NACC2: variants seen among roughly 807,000 people sequenced by gnomAD.
The protein encoded by NACC2 is NACC family member 2.
A neutral mutation model predicts 25.1 loss-of-function variants in NACC2; 8 were observed. The ratio of observed to expected loss-of-function variants is 0.32; its 90% CI spans 0.19 to 0.57. NACC2 has a LOEUF of 0.57. Among genes scored for constraint, NACC2 ranks in the 20% least tolerant of loss-of-function variants. NACC2 has a pLI of 0.89. For synonymous variants in NACC2, 435 were observed against 294.7 expected, an observed-to-expected ratio of 1.48 and a Z score of -4.88; for missense variants, 644 against 650.2, an observed-to-expected ratio of 0.99 and a Z score of 0.10.
chr9:136,024,160 GTGT>G (rs1277501925), intron 2 of NACC2, among the ~76,000 whole-genome samples: 1 of 40,170 alleles, frequency 2.5e-5, no homozygotes, highest in Non-Finnish European at 4.4e-5. Flanking sequence ...GACAGAGTGT[GTGT>G]GTGTGTGTGT....
intron 2 of NACC2, among the ~76,000 whole-genome samples, chr9:136,045,628 G>A (rs1840711550): frequency 6.6e-6 from 1 of 152,190 alleles, no homozygotes; most frequent in African/African-American, 2.4e-5. Context: ...AGAAGCCCCA[G>A]CATGGCACTA....
At position 136,020,935 on chromosome 9, in the gene NACC2, C is replaced by A. The variant is rs1391926470; in HGVS notation, c.887-4506G>T. On this transcript the variant is annotated intron_variant, in intron 2 of 5. Transcript: ENST00000277554. The surrounding 1 kb of genome is among the most constrained non-coding windows in gnomAD (Gnocchi z 4.7). ...AAAACCACCCTCCGTCTCAGCCTCGCACCCTACACAAAAACTGCAGAAGGT... is the reference window on the plus strand; with the variant it reads ...AAAACCACCCTCCGTCTCAGCCTCGAACCCTACACAAAAACTGCAGAAGGT... Among the ~76,000 whole-genome samples, 1 of 152,176 alleles carries A rather than the reference C, an allele frequency of 6.6e-6. No individual in the cohort carries two copies. Among genetic ancestry groups the A allele is most frequent in the Non-Finnish European group, 1.5e-5 (1 of 68,040 alleles).
chr9:136,067,289 G>T (rs1315780076), intron 1 of NACC2, among the ~76,000 whole-genome samples: 1 of 139,428 alleles, frequency 7.2e-6, no homozygotes. Context: ...AAAAAAAATT[G>T]TTGTTGCCTA....
At chr9:136,087,810 T>C (rs1156554567) in intron 1 of NACC2, among the ~76,000 whole-genome samples, 2 of 152,060 alleles carry the variant, frequency 1.3e-5, no homozygotes, top group Non-Finnish European at 2.9e-5. Flanking sequence ...ACCGGCAAGA[T>C]CCCCAACGAG....
At chr9:136,075,011 A>C (rs904176202) in intron 1 of NACC2, among the ~76,000 whole-genome samples, 1 of 152,046 alleles carries the variant, frequency 6.6e-6, no homozygotes, top group Non-Finnish European at 1.5e-5. Context: ...TCGGATCCTC[A>C]CGAAACAGTG....
intron 1 of NACC2, among the ~76,000 whole-genome samples, chr9:136,079,582 G>C (rs1830299958): frequency 6.6e-6 from 1 of 152,158 alleles, no homozygotes; most frequent in Admixed American, 6.5e-5. Flanking sequence ...CTCACTGAGT[G>C]GAAAGGCCAC....
At position 136,006,918 on chromosome 9, in the gene NACC2, T is replaced by C. The variant is rs1588551825; in HGVS notation, c.*4598A>G. The C allele has an allele frequency of 6.5e-6, 1 of 152,708 alleles. No individual in the cohort carries two copies. Among genetic ancestry groups the C allele is most frequent in the East Asian group, 1.9e-4 (1 of 5,186 alleles). 9.5% of individuals were successfully genotyped at this position (152,708 alleles called of 1,614,324 possible). A position where few individuals can be genotyped will look rare whatever the true frequency, so the allele number is the denominator to read the frequency against. ...CACAGGAAAATTTATTTTTTAACAG[T>C]CGTGAGTTACAGTACTTTAACCCCT... On this transcript the variant is annotated 3_prime_UTR_variant, in exon 6 of 6. Transcript: ENST00000277554.
In NACC2 at chr9:136,050,015, C is replaced by T; in HGVS notation, c.507G>A (p.Leu169=). ...TGGCTTCATGCTTTACTCGGGTCAG[C>T]AGCGGGATGGGCACCGAGGGGGACA... ...YVVSPSVPIP[L]LTRVKHEAME... The change falls in exon 2 of 6, where the codon CTG becomes CTA. Residue 169 remains leucine (L), a synonymous_variant. Transcript: ENST00000277554. The T allele has an allele frequency of 1.4e-6, 1 of 692,312 alleles. No individual in the cohort carries two copies. The allele number at this position is 692,312 out of a possible 1,614,324, so 42.9% of individuals were successfully genotyped here.
At chr9:136,045,519 G>A (rs1482145568) in intron 2 of NACC2, among the ~76,000 whole-genome samples, 1 of 152,226 alleles carries the variant, frequency 6.6e-6, no homozygotes, top group African/African-American at 2.4e-5. Flanking sequence ...CGAAGCCACT[G>A]CTGAGGGCAT....
intron 2 of NACC2, among the ~76,000 whole-genome samples, chr9:136,027,512 G>T (rs1167205467): frequency 6.6e-6 from 1 of 152,172 alleles, no homozygotes; most frequent in Admixed American, 6.5e-5. Flanking sequence ...AAACTAGGCT[G>T]AGTGCATTCT....
intron 1 of NACC2, among the ~76,000 whole-genome samples, chr9:136,075,569 T>G (rs933642950): frequency 6.6e-6 from 1 of 152,248 alleles, no homozygotes; most frequent in Non-Finnish European, 1.5e-5. Context: ...AGGACGCATC[T>G]TCTTTTATCG....
chr9:136,046,059 C>A lies in NACC2; in HGVS notation c.886+3577G>T, dbSNP rs1450902021. Among the ~76,000 whole-genome samples the A allele has an allele frequency of 2.0e-5, 3 of 152,292 alleles. No individual in the cohort carries two copies. In the East Asian group the frequency reaches 5.8e-4, roughly 29 times the overall value. ...GAAGGCGGGTACGCGAGGAAGAGGG[C>A]CCGAAGAGGAAAGGGGCTCCCGCTC... On this transcript the variant is annotated intron_variant, in intron 2 of 5. Transcript: ENST00000277554.
chr9:136,028,856 G>A (rs886806736), intron 2 of NACC2, among the ~76,000 whole-genome samples: 6 of 152,188 alleles, frequency 3.9e-5, no homozygotes, highest in African/African-American at 1.2e-4. Context: ...CTGAACCTGG[G>A]CACTGTCATG....
intron 2 of NACC2, among the ~76,000 whole-genome samples, chr9:136,046,045 C>A (rs897448384): frequency 1.3e-5 from 2 of 152,136 alleles, no homozygotes; most frequent in African/African-American, 4.8e-5. Flanking sequence ...AAGGCGGGTA[C>A]GCGAGGAAGA....
chr9:136,086,440 G>A lies in NACC2; in HGVS notation c.-60+8749C>T, dbSNP rs1248580862. ...ACCGGGCCTGGCTCTTGAGGTCCCA[G>A]GTCTGCGAGCGGCTGGGCTTCCCTG... On this transcript the variant is annotated intron_variant, in intron 1 of 5. Transcript: ENST00000277554. This position sits in a 1 kb window ranked among gnomAD's most constrained non-coding sequence, Gnocchi z 5.6. Among the ~76,000 whole-genome samples the A allele has an allele frequency of 6.6e-6, 1 of 152,154 alleles. No homozygotes were observed. Among genetic ancestry groups the A allele is most frequent in the Non-Finnish European group, 1.5e-5 (1 of 68,014 alleles).
chr9:136,016,756 C>A (rs1218348519), intron 2 of NACC2, among the ~76,000 whole-genome samples: 5 of 152,192 alleles, frequency 3.3e-5, no homozygotes, highest in African/African-American at 1.2e-4. Context: ...TAGGAGGGTG[C>A]TATGCAGAGC....
rs1468385346 is a variant in NACC2 at position 136,011,850 on chromosome 9, A to C, written c.1430T>G (p.Val477Gly). The C allele has an allele frequency of 6.4e-7, 1 of 1,564,234 alleles. No individual in the cohort carries two copies. The highest frequency in any genetic ancestry group is 1.2e-5 in the South Asian group (1 of 86,250). ...RTVMGSAAAS[V>G]PLDPEFPPAA... ...AGGCGGGAACTCGGGGTCGAGGGGC[A>C]CGCTGGCGGCGGCGGAGCCCATGAC... Residue 477 changes from valine (V) to glycine (G), a missense_variant, in exon 6 of 6, where the codon GTG (valine) becomes GGG (glycine). Coordinates refer to ENST00000277554, the MANE Select transcript of NACC2 (RefSeq NM_144653.5).
intron 1 of NACC2, among the ~76,000 whole-genome samples, chr9:136,074,663 T>C (rs531396446): frequency 6.7e-4 from 101 of 151,856 alleles, no homozygotes; most frequent in Middle Eastern, 3.4e-3. Flanking sequence ...TGGTTCAACA[T>C]TGACTCAATA....
chr9:136,051,278 T>C (rs771812535), intron 1 of NACC2, among the ~76,000 whole-genome samples: 94,900 of 152,010 alleles, frequency 0.62, 32,267 homozygotes, highest in Non-Finnish European at 0.78. Flanking sequence ...CGTGCTCTCC[T>C]GGCTCGGACC....
Sources: gnomAD v4.1 joint callset for allele counts (sites outside exome capture counted in the v4.1 genomes callset) on GRCh38, gnomAD v4.1.1 for gene constraint, Gnocchi (gnomAD v3.1) non-coding constraint, MANE v1.5 for transcripts, NCBI Gene and HGNC (gene_info 2026-07-23, HGNC 2026-07-21) for gene names.